Variants in CCDC91 observed in about 807,000 individuals in gnomAD.
CCDC91 encodes the protein coiled-coil domain containing 91, also known as coiled-coil domain-containing protein 91.
Under a neutral mutation model 63.2 loss-of-function variants are expected in CCDC91, and 48 were observed. That is an observed-to-expected ratio of 0.76 (90% CI 0.60 to 0.97). The LOEUF is 0.97. Among genes scored for constraint, CCDC91 ranks in the 50% least tolerant of loss-of-function variants. The probability of loss-of-function intolerance (pLI) is 0.00; values close to 1 mark genes in which losing one functional copy is unlikely to be tolerated. For synonymous variants in CCDC91, 167 were observed against 165.8 expected, an observed-to-expected ratio of 1.01 and a Z score of -0.06; for missense variants, 500 against 494.6, an observed-to-expected ratio of 1.01 and a Z score of -0.10.
chr12:28,424,409 G>A (rs1395373230), intron 8 of CCDC91, among the ~76,000 whole-genome samples: 1 of 152,048 alleles, frequency 6.6e-6, no homozygotes, highest in African/African-American at 2.4e-5. Context: ...TTGGTGACAG[G>A]CTACAGTCCT....
chr12:28,391,461 C>A (rs373052370), intron 8 of CCDC91, 50 bp downstream of exon 8: 4 of 1,109,094 alleles, frequency 3.6e-6, no homozygotes, highest in Non-Finnish European at 5.5e-6. Flanking sequence ...CCCTGACTCT[C>A]TCCCCTGAGA....
At chr12:28,328,104 T>G (rs547178264) in intron 6 of CCDC91, among the ~76,000 whole-genome samples, 1 of 152,172 alleles carries the variant, frequency 6.6e-6, no homozygotes, top group African/African-American at 2.4e-5. Flanking sequence ...TTATTTGATG[T>G]TTGTATGGCT....
At chr12:28,410,524 G>A (rs1432698183) in intron 8 of CCDC91, among the ~76,000 whole-genome samples, 1 of 151,908 alleles carries the variant, frequency 6.6e-6, no homozygotes, top group African/African-American at 2.4e-5. Flanking sequence ...TTGTTTGTTT[G>A]TTTGTTTGTT....
intron 3 of CCDC91, among the ~76,000 whole-genome samples, chr12:28,285,280 T>A (rs1465061687): frequency 3.9e-5 from 6 of 152,162 alleles, no homozygotes; most frequent in African/African-American, 1.4e-4. Context: ...TTGAATTTGC[T>A]CCTGTTCGAG....
chr12:28,535,150 T>C (rs1942048584), intron 12 of CCDC91, among the ~76,000 whole-genome samples: 1 of 152,210 alleles, frequency 6.6e-6, no homozygotes, highest in South Asian at 2.1e-4. Flanking sequence ...ATGTTTAATG[T>C]GTATAGTTTC....
At chr12:28,518,622 TGTTTC>T (rs1940229649) in intron 12 of CCDC91, among the ~76,000 whole-genome samples, 1 of 152,098 alleles carries the variant, frequency 6.6e-6, no homozygotes. Flanking sequence ...TTTTGCTGAC[TGTTTC>T]TTTTGCTGTG....
intron 11 of CCDC91, among the ~76,000 whole-genome samples, chr12:28,452,872 C>T (rs181704417): frequency 1.3e-5 from 2 of 151,748 alleles, no homozygotes; most frequent in East Asian, 1.9e-4. Flanking sequence ...TAGTAACTGA[C>T]CATTTTACCC....
chr12:28,218,729 GTA>G (rs1491426844), intron 1 of CCDC91, among the ~76,000 whole-genome samples: 47 of 130,680 alleles, frequency 3.6e-4, no homozygotes, highest in Admixed American at 2.4e-3. Context: ...GTGTGTGTGT[GTA>G]TGTATGTATG....
intron 12 of CCDC91, among the ~76,000 whole-genome samples, chr12:28,534,039 A>G (rs1332442748): frequency 3.3e-5 from 5 of 152,126 alleles, no homozygotes; most frequent in Non-Finnish European, 7.4e-5. Context: ...ACCACACTAC[A>G]CATATTATTT....
chr12:28,357,677 T>C (rs1211544603), intron 6 of CCDC91, among the ~76,000 whole-genome samples: 1 of 152,134 alleles, frequency 6.6e-6, no homozygotes, highest in Non-Finnish European at 1.5e-5. Context: ...TATTGAACAA[T>C]ACCTGGCACA....
At chr12:28,526,232 G>A (rs949237551) in intron 12 of CCDC91, among the ~76,000 whole-genome samples, 20 of 151,378 alleles carry the variant, frequency 1.3e-4, no homozygotes, top group African/African-American at 3.4e-4. Flanking sequence ...CTGTTTTGAT[G>A]TGTTTCCAGA....
intron 11 of CCDC91, among the ~76,000 whole-genome samples, chr12:28,455,231 A>G (rs888797074): frequency 6.6e-6 from 1 of 152,102 alleles, no homozygotes; most frequent in Admixed American, 6.6e-5. Context: ...ATTTTCAAAT[A>G]AGTTTATAGA....
chr12:28,305,598 T>C (rs1938622991), intron 3 of CCDC91, 51 bp from the exon 4 acceptor site: 5 of 1,491,044 alleles, frequency 3.4e-6, no homozygotes, highest in Admixed American at 3.8e-5. Context: ...GTTCCCTCTC[T>C]GTTTTCTCTT....
At chr12:28,241,931 G>A (rs1945362687) in intron 1 of CCDC91, among the ~76,000 whole-genome samples, 1 of 149,294 alleles carries the variant, frequency 6.7e-6, no homozygotes, top group Non-Finnish European at 1.5e-5. Flanking sequence ...AGGAGGCGGA[G>A]GTTGCAGTGT....
chr12:28,461,349 A>C (rs947814008), intron 11 of CCDC91, among the ~76,000 whole-genome samples: 2 of 152,052 alleles, frequency 1.3e-5, no homozygotes, highest in Non-Finnish European at 2.9e-5. Context: ...TCCTTTCTAC[A>C]CTATGGATAT....
intron 6 of CCDC91, among the ~76,000 whole-genome samples, chr12:28,330,889 C>G (rs1179795254): frequency 6.6e-6 from 1 of 152,054 alleles, no homozygotes; most frequent in Admixed American, 6.6e-5. Flanking sequence ...AAGTTTTGCC[C>G]TTTAAAAAAC....
At chr12:28,267,246 T>A (rs1243643307) in intron 3 of CCDC91, among the ~76,000 whole-genome samples, 2 of 151,902 alleles carry the variant, frequency 1.3e-5, no homozygotes, top group African/African-American at 4.8e-5. Flanking sequence ...TCTATTTTTT[T>A]AAATAGAGAT....
At chr12:28,368,830 AAG>A (rs140061205) in intron 7 of CCDC91, among the ~76,000 whole-genome samples, 30,275 of 147,826 alleles carry the variant, frequency 0.2, 3,867 homozygotes, top group Non-Finnish European at 0.3. Context: ...GAGAGAGAGA[AAG>A]AGAGAGAGAG....
chr12:28,232,293 A>G lies in CCDC91; in HGVS notation c.-14-24909A>G, dbSNP rs1944649573. The stretch of plus-strand genomic sequence containing the variant: ...GAAGAGTGAGGGATAAGTTTAGAGC[A>G]CAAGCCTCTTACTGGTCTTTTGCTT... On this transcript the variant is annotated intron_variant, in intron 1 of 12. Transcript: ENST00000536442. Among the ~76,000 whole-genome samples, 3 of 152,288 alleles carry G rather than the reference A, an allele frequency of 2.0e-5. No individual in the cohort carries two copies. The South Asian group carries it at 6.2e-4, about 32-fold the overall frequency.
Sources: allele counts gnomAD v4.1 joint callset (sites outside exome capture counted in the v4.1 genomes callset), GRCh38; gene constraint gnomAD v4.1.1; transcripts MANE v1.5; gene names NCBI Gene and HGNC (gene_info 2026-07-23, HGNC 2026-07-21).